Variants in BBS4 observed in about 807,000 individuals in gnomAD.
BBS4 encodes Bardet-Biedl syndrome 4.
A neutral mutation model predicts 71.4 loss-of-function variants in BBS4; 58 were observed. The ratio of observed to expected loss-of-function variants is 0.81; its 90% CI spans 0.66 to 1.01. The LOEUF (loss-of-function observed/expected upper bound fraction) is 1.01, where lower values mean the gene tolerates loss of function less well. Among genes scored for constraint, BBS4 ranks in the 50% least tolerant of loss-of-function variants. BBS4 has a pLI of 0.00. For missense variants in BBS4, 660 were observed against 607.9 expected (o/e 1.09, Z -0.90); for synonymous variants, 228 against 216.8 (o/e 1.05, Z -0.46).
At chr15:72,729,957 A>G (rs145240544) in intron 10 of BBS4, among the ~76,000 whole-genome samples, 76 of 152,344 alleles carry the variant, frequency 5.0e-4, no homozygotes, top group African/African-American at 1.8e-3. Context: ...TTAGGAAATT[A>G]GCAATGCCTC....
chr15:72,711,090 C>T (rs565850933), intron 3 of BBS4, among the ~76,000 whole-genome samples: 38 of 151,756 alleles, frequency 2.5e-4, no homozygotes, highest in South Asian at 6.2e-4. Flanking sequence ...CGTGAGCCAC[C>T]GCACCCGGCC....
intron 8 of BBS4, among the ~76,000 whole-genome samples, chr15:72,725,206 A>G (rs936589450): frequency 2.6e-5 from 4 of 151,930 alleles, no homozygotes; most frequent in African/African-American, 9.7e-5. Context: ...GACTACAGGC[A>G]TGTGCCACCA....
chr15:72,688,440 G>A (rs1295771606), intron 1 of BBS4, among the ~76,000 whole-genome samples: 7 of 51,934 alleles, frequency 1.3e-4, no homozygotes, highest in Admixed American at 3.7e-4. Flanking sequence ...TTGAGACGGA[G>A]TCTCACTTTG....
chr15:72,693,102 A>G (rs1474018210), intron 1 of BBS4, among the ~76,000 whole-genome samples: 1 of 152,194 alleles, frequency 6.6e-6, no homozygotes, highest in Non-Finnish European at 1.5e-5. Context: ...TGTTGCTACT[A>G]CAGGGACCAT....
chr15:72,718,461 A>C (rs949838150), intron 6 of BBS4, among the ~76,000 whole-genome samples: 1 of 152,192 alleles, frequency 6.6e-6, no homozygotes, highest in Admixed American at 6.5e-5. Flanking sequence ...CTGTGAGTGA[A>C]GAACTAGATT....
intron 6 of BBS4, among the ~76,000 whole-genome samples, chr15:72,721,774 AG>A (rs986478061): frequency 8.7e-4 from 133 of 152,310 alleles, no homozygotes; most frequent in African/African-American, 2.9e-3. Context: ...CACTACTAAT[AG>A]GGTAGTTCTT....
intron 7 of BBS4, 39 bp downstream of exon 7, chr15:72,722,886 C>T (rs2065602785): frequency 1.3e-6 from 2 of 1,561,514 alleles, no homozygotes; most frequent in Non-Finnish European, 1.8e-6. Flanking sequence ...ACTGAGGGTG[C>T]ACTTGTTGCA....
chr15:72,738,351 C>CCAGGAGTTGGAGACTGGCCTGGGCA lies in BBS4; in HGVS notation c.*764_*765insCAGGAGTTGGAGACTGGCCTGGGCA. The stretch of plus-strand genomic sequence containing the variant: ...AAGATAGTCAGTGATAACCACTGAC[C>CCAGGAGTTGGAGACTGGCCTGGGCA]AGATGCTATCAATACACTATGTGTC... On this transcript the variant is annotated 3_prime_UTR_variant, in exon 16 of 16. Transcript: ENST00000268057. 1 of 453,000 alleles carries CCAGGAGTTGGAGACTGGCCTGGGCA rather than the reference C, an allele frequency of 2.2e-6. No individual in the cohort carries two copies. Among genetic ancestry groups the CCAGGAGTTGGAGACTGGCCTGGGCA allele is most frequent in the Admixed American group, 2.4e-5 (1 of 42,336 alleles). 28.1% of individuals were successfully genotyped at this position (453,000 alleles called of 1,614,324 possible). A position where few individuals can be genotyped will look rare whatever the true frequency, so the allele number is the denominator to read the frequency against.
At chr15:72,727,165 C>G (rs931503222) in intron 8 of BBS4, among the ~76,000 whole-genome samples, 1 of 152,210 alleles carries the variant, frequency 6.6e-6, no homozygotes, top group Non-Finnish European at 1.5e-5. Flanking sequence ...TCTTCTGGTT[C>G]AGGTCTTCCT....
Position 72,695,162 on chromosome 15 carries a change from C to G in BBS4, c.25-15C>G. Reference sequence around the variant, plus strand: ...TATTGTGGTGCTTCAATATAGACTACTTATTTCATTTCAGAGAACTCAATT... The same window carrying G: ...TATTGTGGTGCTTCAATATAGACTAGTTATTTCATTTCAGAGAACTCAATT... On this transcript the variant is annotated splice_polypyrimidine_tract_variant and intron_variant, in intron 1 of 15. Transcript: ENST00000268057. 1 of 1,592,640 alleles carries G rather than the reference C, an allele frequency of 6.3e-7. No homozygotes were observed. Among genetic ancestry groups the G allele is most frequent in the South Asian group, 1.1e-5 (1 of 90,182 alleles).
At chr15:72,718,543 C>A (rs985665463) in intron 6 of BBS4, among the ~76,000 whole-genome samples, 1 of 152,112 alleles carries the variant, frequency 6.6e-6, no homozygotes, top group African/African-American at 2.4e-5. Flanking sequence ...GAAGTGTGTT[C>A]AATTTGTTAG....
At chr15:72,713,343 ACACACACG>A (rs1363804911) in intron 4 of BBS4, among the ~76,000 whole-genome samples, 1 of 118,788 alleles carries the variant, frequency 8.4e-6, no homozygotes, top group Non-Finnish European at 1.8e-5. Flanking sequence ...ACACACACAC[ACACACACG>A]CACACGCACG....
rs1425891405 is a variant in BBS4 at position 72,724,557 on chromosome 15, T to A, written c.489T>A (p.Asn163Lys). 6.2e-7 allele frequency: 1 copy of A among 1,614,100 alleles called. No individual in the cohort carries two copies. The highest frequency in any genetic ancestry group is 1.1e-5 in the South Asian group (1 of 91,084). The change falls in exon 8 of 16, where the codon AAT (asparagine) becomes AAA (lysine). Residue 163 changes from asparagine to lysine, a missense_variant. Coordinates refer to ENST00000268057, the MANE Select transcript of BBS4 (RefSeq NM_033028.5). Reference protein sequence around the residue: ...KAQDQLHNALNLNRHDLTYIM... With the variant: ...KAQDQLHNALKLNRHDLTYIM... ...AAGACCAGTTGCACAATGCCCTGAA[T>A]CTTAATAGGCACGATCTGACTTATA...
chr15:72,712,148 T>G, intron 3 of BBS4, 96 bp from the exon 4 acceptor site: 139 of 1,112,734 alleles, frequency 1.2e-4, no homozygotes, highest in Non-Finnish European at 1.7e-4. Context: ...ATTACAAGCA[T>G]GAGCCACCGC....
At chr15:72,736,607 G>A (rs2065929252) in intron 14 of BBS4, among the ~76,000 whole-genome samples, 155 bp from the exon 15 acceptor site, 1 of 152,176 alleles carries the variant, frequency 6.6e-6, no homozygotes, top group African/African-American at 2.4e-5. Flanking sequence ...AAGGCAATCT[G>A]TAATCTCTAC....
chr15:72,721,595 TTAAAG>T (rs1002848988), intron 6 of BBS4, among the ~76,000 whole-genome samples: 2 of 152,184 alleles, frequency 1.3e-5, no homozygotes, highest in Non-Finnish European at 2.9e-5. Context: ...TTGCTGAAAA[TTAAAG>T]TAACATATAT....
At chr15:72,704,897 CAAAA>C (rs1024711937) in intron 2 of BBS4, among the ~76,000 whole-genome samples, 7 of 151,652 alleles carry the variant, frequency 4.6e-5, no homozygotes, top group African/African-American at 1.7e-4. Context: ...CAAAACAAAA[CAAAA>C]CAAAACAAAA....
intron 9 of BBS4, among the ~76,000 whole-genome samples, chr15:72,729,003 C>T (rs973723496): frequency 1.3e-5 from 2 of 152,076 alleles, no homozygotes; most frequent in African/African-American, 4.8e-5. Context: ...TCATTTCCTG[C>T]AAAGAGGCAT....
At chr15:72,694,763 A>T (rs1179970663) in intron 1 of BBS4, among the ~76,000 whole-genome samples, 1 of 152,152 alleles carries the variant, frequency 6.6e-6, no homozygotes, top group East Asian at 1.9e-4. Flanking sequence ...TTTAGAATTG[A>T]GTGCTAGACA....
Sources: gnomAD v4.1 joint callset for allele counts (sites outside exome capture counted in the v4.1 genomes callset) on GRCh38, gnomAD v4.1.1 for gene constraint, MANE v1.5 for transcripts, NCBI Gene and HGNC (gene_info 2026-07-23, HGNC 2026-07-21) for gene names.